SCRIB: variants seen among roughly 807,000 people sequenced by gnomAD.
The protein encoded by SCRIB is scribble planar cell polarity protein.
SCRIB carries 72 observed loss-of-function variants against 170.0 expected under a neutral mutation model. The observed-to-expected ratio is 0.42, with a 90% CI of 0.35 to 0.52. The LOEUF (loss-of-function observed/expected upper bound fraction) is 0.52. SCRIB is among the 20% of genes least tolerant of loss of function. The pLI is 0.02. For missense variants in SCRIB, 2,475 were observed against 2,338.5 expected (o/e 1.06, Z -1.20); for synonymous variants, 1,298 against 1,044.3 (o/e 1.24, Z -4.68).
rs1587507942 is a variant in SCRIB at position 143,793,894 on chromosome 8, A to G, written c.3909+6T>C. On this transcript the variant is annotated splice_donor_region_variant and intron_variant, in intron 28 of 36. Transcript: ENST00000356994. ...TGGGGCACACCCGTTAACTTGGGAC[A>G]CTCACCTGCTGGCCACTAGGGGAGC... 5.0e-6 allele frequency: 8 copies of G among 1,612,898 alleles called. No individual in the cohort carries two copies. In the East Asian group the frequency reaches 1.8e-4, roughly 36 times the overall value.
rs782241553 is a variant in SCRIB, at chr8:143,795,087, A to G, written c.3797T>C (p.Leu1266Pro). Residue 1266 changes from leucine to proline, a missense_variant, in exon 27 of 37, where the codon CTG (leucine) becomes CCG (proline). Physicochemically the swap from Leu to Pro is moderately conservative, Grantham distance 98. Around this residue, in one of 3 missense-constraint regions of SCRIB, gnomAD observed 1,966 missense variants for 1,742.9 expected, o/e 1.13. Coordinates refer to ENST00000356994, the MANE Select transcript of SCRIB (RefSeq NM_182706.5). ...AAGRGLQPLKLDYRALAAVPS... is the reference protein window; with the variant it reads ...AAGRGLQPLKPDYRALAAVPS... ...CACGGCGGCCAGGGCGCGGTAGTCCAGCTTCAGGGGCTGCAGACCCCGACC... is the reference window on the plus strand; with the variant it reads ...CACGGCGGCCAGGGCGCGGTAGTCCGGCTTCAGGGGCTGCAGACCCCGACC... 6.2e-7 allele frequency: 1 copy of G among 1,611,478 alleles called. No homozygotes were observed. The highest frequency in any genetic ancestry group is 8.5e-7 in the Non-Finnish European group (1 of 1,179,314).
chr8:143,814,932 C>T (rs1359559005), intron 1 of SCRIB: 3 of 468,096 alleles, frequency 6.4e-6, no homozygotes, highest in African/African-American at 6.2e-5. Flanking sequence ...TCCACCCTAA[C>T]CCCATCCACC....
chr8:143,809,320 G>A (rs568512078), intron 14 of SCRIB, among the ~76,000 whole-genome samples: 1 of 152,212 alleles, frequency 6.6e-6, no homozygotes, highest in Admixed American at 6.5e-5. Context: ...GGCTCTGTGA[G>A]CCCAGCCGTC....
At position 143,792,601 on chromosome 8, in the gene SCRIB, C is replaced by A. The variant is rs115360394; in HGVS notation, c.4212G>T (p.Leu1404=). 3 of 1,591,486 alleles carry A rather than the reference C, an allele frequency of 1.9e-6. No homozygotes were observed. The highest frequency in any genetic ancestry group is 2.6e-6 in the Non-Finnish European group (3 of 1,176,230). Residue 1404 remains leucine (L), a synonymous_variant, in exon 31 of 37, where the codon CTG becomes CTT. Transcript: ENST00000356994. ...CGGCCCCAGCCTCTGCCGCCTCCCG[C>A]AGCATCTGCGCTCTCTTCTGCTGTA... is the stretch of plus-strand genomic sequence containing the variant. ...RKLQQKRAQM[L]REAAEAGAEA...
chr8:143,792,172 G>A, intron 32 of SCRIB, 39 bp from the exon 33 acceptor site: 1 of 1,557,964 alleles, frequency 6.4e-7, no homozygotes, highest in Non-Finnish European at 8.6e-7. Context: ...TGGGGCAGGA[G>A]CAGGGACAGG....
chr8:143,806,943 G>A lies in SCRIB; in HGVS notation c.2249C>T (p.Pro750Leu), dbSNP rs781786430. 17 of 1,612,642 alleles carry A rather than the reference G, an allele frequency of 1.1e-5. No individual in the cohort carries two copies. The highest frequency in any genetic ancestry group is 1.2e-5 in the Non-Finnish European group (14 of 1,179,410). The change falls in exon 17 of 37, where the codon CCC becomes CTC. Residue 750 changes from proline (P) to leucine (L), a missense_variant. Pro to Leu is a moderately conservative substitution (Grantham distance 98). Around this residue, in one of 3 missense-constraint regions of SCRIB, gnomAD observed 1,966 missense variants for 1,742.9 expected, o/e 1.13. Coordinates refer to ENST00000356994, the MANE Select transcript of SCRIB (RefSeq NM_182706.5). ...GCTCACCTCGTCGTCCCCCTTATAGGGTGTGGAGCCCTTGCCGCCCGCAAT... is the reference window on the plus strand; with the variant it reads ...GCTCACCTCGTCGTCCCCCTTATAGAGTGTGGAGCCCTTGCCGCCCGCAAT... ...ISIAGGKGSTPYKGDDEGIFI... is the reference protein window; with the variant it reads ...ISIAGGKGSTLYKGDDEGIFI...
Position 143,813,683 on chromosome 8 carries a change from C to G in SCRIB, c.400G>C (p.Ala134Pro). 1 of 1,613,560 alleles carries G rather than the reference C, an allele frequency of 6.2e-7. No homozygotes were observed. Among genetic ancestry groups the G allele is most frequent in the Non-Finnish European group, 8.5e-7 (1 of 1,180,022 alleles). The part of the protein sequence containing the change: ...FTQLRSLAHL[A>P]LNDVSLQALP... Reference sequence around the variant, plus strand: ...GCCTGCAGAGACACATCATTCAGGGCCAGGTGAGCCAGGCTGCGCAGCTGA... The same window carrying G: ...GCCTGCAGAGACACATCATTCAGGGGCAGGTGAGCCAGGCTGCGCAGCTGA... Residue 134 changes from alanine (A) to proline (P), a missense_variant, in exon 4 of 37, where the codon GCC becomes CCC. Physicochemically the swap from Ala to Pro is conservative, Grantham distance 27 (BLOSUM62 -1). This residue lies in a region of SCRIB where 487 missense variants were observed against 558.1 expected (regional missense o/e 0.87). Coordinates refer to ENST00000356994, the MANE Select transcript of SCRIB (RefSeq NM_182706.5).
Position 143,806,447 on chromosome 8 carries a change from G to T in SCRIB, c.2306C>A (p.Ala769Glu). 6.2e-7 allele frequency: 1 copy of T among 1,605,630 alleles called. No homozygotes were observed. Among genetic ancestry groups the T allele is most frequent in the South Asian group, 1.1e-5 (1 of 89,588 alleles). ...ACCCACACGGACTCCAGCCCGGGCC[G>T]CAGGGCCTTCCTCGGACACCCGAGA... is the stretch of plus-strand genomic sequence containing the variant. ...FISRVSEEGP[A>E]ARAGVRVGDK... Residue 769 changes from alanine to glutamate, a missense_variant, in exon 18 of 37, where the codon GCG (alanine) becomes GAG (glutamate). Physicochemically the swap from Ala to Glu is moderately radical, Grantham distance 107. Around this residue, in one of 3 missense-constraint regions of SCRIB, gnomAD observed 1,966 missense variants for 1,742.9 expected, o/e 1.13. Transcript: ENST00000356994.
At chr8:143,793,361 C>T (rs1554633433) in intron 28 of SCRIB, 9 of 297,900 alleles carry the variant, frequency 3.0e-5, no homozygotes, top group Admixed American at 1.6e-4. Flanking sequence ...CAGGTGGGGG[C>T]GGCGGGGGCA....
intron 13 of SCRIB, among the ~76,000 whole-genome samples, chr8:143,810,024 C>T (rs1815633594): frequency 6.6e-6 from 1 of 152,142 alleles, no homozygotes; most frequent in Non-Finnish European, 1.5e-5. Context: ...CCTCCCCTCC[C>T]ATGCACGGCC....
At chr8:143,791,832 C>CG (rs1554632769) in intron 34 of SCRIB, 44 bp downstream of exon 34, 32 of 1,526,928 alleles carry the variant, frequency 2.1e-5, no homozygotes, top group Admixed American at 2.0e-4. Context: ...ACCCCACCCC[C>CG]ATGCCTCGGG....
Position 143,791,730 on chromosome 8 carries a change from C to A in SCRIB, c.4706G>T (p.Gly1569Val). 1.9e-6 allele frequency: 3 copies of A among 1,599,916 alleles called. No homozygotes were observed. Among genetic ancestry groups the A allele is most frequent in the Non-Finnish European group, 2.6e-6 (3 of 1,169,484 alleles). ...AAAGGCCCTGTAGTCAAACTTCTTT[C>A]CAGACAAGGGCTTGAAAGGACAGCG... ...STSPGRLPLSGKKFDYRAFAA... is the reference protein window; with the variant it reads ...STSPGRLPLSVKKFDYRAFAA... Residue 1569 changes from glycine to valine, a missense_variant, in exon 35 of 37, where the codon GGA becomes GTA. Transcript: ENST00000356994.
chr8:143,813,099 G>C lies in SCRIB; in HGVS notation c.573C>G (p.Asp191Glu). The change falls in exon 7 of 37, where the codon GAC (aspartate) becomes GAG (glutamate). Residue 191 changes from aspartate to glutamate, a missense_variant. Transcript: ENST00000356994. ...LGGNDLEVLP[D>E]TLGALPNLRE... Reference sequence around the variant, plus strand: ...GAAGATTGGGCAGAGCCCCCAGAGTGTCTGGCTGCAAGAAGGAACAGAGAA... The same window carrying C: ...GAAGATTGGGCAGAGCCCCCAGAGTCTCTGGCTGCAAGAAGGAACAGAGAA... The C allele has an allele frequency of 1.3e-6, 2 of 1,576,556 alleles. No homozygotes were observed. The highest frequency in any genetic ancestry group is 1.7e-6 in the Non-Finnish European group (2 of 1,159,256).
Position 143,803,555 on chromosome 8 carries a change from G to T in SCRIB, c.3431C>A (p.Ala1144Glu). 5 of 1,387,674 alleles carry T rather than the reference G, an allele frequency of 3.6e-6. No homozygotes were observed. Among genetic ancestry groups the T allele is most frequent in the Non-Finnish European group, 4.8e-6 (5 of 1,044,174 alleles). The allele number at this position is 1,387,674 out of a possible 1,614,324, so 86.0% of individuals were successfully genotyped here. ...IFISKVSPTG[A>E]AGRDGRLRVG... ...ACGCAGCCGACCGTCGCGCCCGGCTGCCCCCGTGGGGCTCACCTGTGGGGA... is the reference window on the plus strand; with the variant it reads ...ACGCAGCCGACCGTCGCGCCCGGCTTCCCCCGTGGGGCTCACCTGTGGGGA... Residue 1144 changes from alanine to glutamate, a missense_variant, in exon 24 of 37, where the codon GCA (alanine) becomes GAA (glutamate). Ala to Glu is a moderately radical substitution (Grantham distance 107). This residue lies in a region of SCRIB where 1,966 missense variants were observed against 1,742.9 expected (regional missense o/e 1.13). Transcript: ENST00000356994.
At position 143,809,621 on chromosome 8, in the gene SCRIB, G is replaced by A. The variant is rs769886886; in HGVS notation, c.1628C>T (p.Ala543Val). The A allele has an allele frequency of 5.6e-6, 9 of 1,611,104 alleles. No individual in the cohort carries two copies. Among genetic ancestry groups the A allele is most frequent in the Admixed American group, 1.7e-5 (1 of 60,018 alleles). Residue 543 changes from alanine to valine, a missense_variant, in exon 14 of 37, where the codon GCA becomes GTA. Ala to Val is a moderately conservative substitution (Grantham distance 64). This residue lies in a region of SCRIB where 1,966 missense variants were observed against 1,742.9 expected (regional missense o/e 1.13). Coordinates refer to ENST00000356994, the MANE Select transcript of SCRIB (RefSeq NM_182706.5). Reference sequence around the variant, plus strand: ...GGCTTCCTGCTGGCTCCCACCCTGTGCCTCAGCCGACGGGCCCTCGGGCTC... The same window carrying A: ...GGCTTCCTGCTGGCTCCCACCCTGTACCTCAGCCGACGGGCCCTCGGGCTC... ...EAEPEGPSAE[A>V]QGGSQQEATT...
At chr8:143,814,923 C>T in intron 1 of SCRIB, 1 of 427,560 alleles carries the variant, frequency 2.3e-6, no homozygotes, top group Non-Finnish European at 4.2e-6. Flanking sequence ...AATCCAAGTT[C>T]CACCCTAACC....
Position 143,791,725 on chromosome 8 carries a change from T to G in SCRIB, c.4711A>C (p.Lys1571Gln). The G allele has an allele frequency of 1.3e-6, 2 of 1,599,602 alleles. No homozygotes were observed. Among genetic ancestry groups the G allele is most frequent in the Non-Finnish European group, 1.7e-6 (2 of 1,169,606 alleles). ...GCCGCAAAGGCCCTGTAGTCAAACT[T>G]CTTTCCAGACAAGGGCTTGAAAGGA... Reference protein sequence around the residue: ...SPGRLPLSGKKFDYRAFAALP... With the variant: ...SPGRLPLSGKQFDYRAFAALP... The change falls in exon 35 of 37, where the codon AAG becomes CAG. Residue 1571 changes from lysine to glutamine, a missense_variant. Lys to Gln is a moderately conservative substitution (Grantham distance 53). Around this residue, in one of 3 missense-constraint regions of SCRIB, gnomAD observed 1,966 missense variants for 1,742.9 expected, o/e 1.13. Transcript: ENST00000356994.
At chr8:143,806,536 C>T (rs1554636641) in intron 17 of SCRIB, 52 bp from the exon 18 acceptor site, 1 of 1,430,108 alleles carries the variant, frequency 7.0e-7, no homozygotes, top group Admixed American at 2.0e-5. Context: ...GCCCGCATTC[C>T]TGCTCCTTCT....
At chr8:143,810,017 C>A (rs1412160910) in intron 13 of SCRIB, among the ~76,000 whole-genome samples, 3 of 152,256 alleles carry the variant, frequency 2.0e-5, no homozygotes, top group Admixed American at 6.5e-5. Flanking sequence ...TGAACCTCCT[C>A]CCCTCCCATG....
Sources: allele counts gnomAD v4.1 joint callset (sites outside exome capture counted in the v4.1 genomes callset), GRCh38; gene constraint gnomAD v4.1.1; regional missense constraint gnomAD v4.1.1; transcripts MANE v1.5; gene names NCBI Gene and HGNC (gene_info 2026-07-23, HGNC 2026-07-21).